Variants in IL17RD observed in about 807,000 individuals in gnomAD.
The protein encoded by IL17RD is interleukin-17 receptor D.
Under a neutral mutation model 80.5 loss-of-function variants are expected in IL17RD, and 52 were observed. The observed-to-expected ratio is 0.65, with a 90% CI of 0.52 to 0.81. IL17RD has a LOEUF of 0.81. Ranked by LOEUF, IL17RD falls within the 40% of genes least tolerant of loss-of-function variation. IL17RD has a pLI of 0.00. For missense variants in IL17RD, 1,024 were observed against 955.1 expected (o/e 1.07, Z -0.95); for synonymous variants, 416 against 391.8 (o/e 1.06, Z -0.73).
In IL17RD at chr3:57,114,150, C is replaced by T. The variant is rs187905448; in HGVS notation, c.310+542G>A. Among the ~76,000 whole-genome samples, 109 of 151,042 alleles carry T rather than the reference C, an allele frequency of 7.2e-4. 2 individuals are homozygous for T. The South Asian group carries it at 0.022, about 30-fold the overall frequency. On this transcript the variant is annotated intron_variant, in intron 3 of 12. Coordinates refer to ENST00000296318, the MANE Select transcript of IL17RD (RefSeq NM_017563.5). ...AGTGAGCCGAGATCGCACCATTGCACTCCAGCCTGGGTGAAAGAGCGAAAC... is the reference window on the plus strand; with the variant it reads ...AGTGAGCCGAGATCGCACCATTGCATTCCAGCCTGGGTGAAAGAGCGAAAC...
intron 2 of IL17RD, among the ~76,000 whole-genome samples, chr3:57,115,153 A>G (rs778480671): frequency 7.9e-5 from 12 of 152,224 alleles, no homozygotes; most frequent in Non-Finnish European, 1.5e-4. Flanking sequence ...ATTTACATCA[A>G]TTCAACCAAT....
At chr3:57,121,186 A>G (rs1559474459) in intron 1 of IL17RD, among the ~76,000 whole-genome samples, 1 of 152,246 alleles carries the variant, frequency 6.6e-6, no homozygotes, top group Non-Finnish European at 1.5e-5. Context: ...AATGATGGGA[A>G]AATATTCCAG....
At chr3:57,161,499 A>G (rs1218259546) in intron 1 of IL17RD, among the ~76,000 whole-genome samples, 1 of 152,254 alleles carries the variant, frequency 6.6e-6, no homozygotes, top group African/African-American at 2.4e-5. Context: ...AGATGATGCC[A>G]GCATCCTGGC....
At chr3:57,134,220 A>C in intron 1 of IL17RD, 1 of 690,704 alleles carries the variant, frequency 1.4e-6, no homozygotes, top group Non-Finnish European at 2.7e-6. Context: ...CCCCAATAAG[A>C]CCAATGAAAT....
At chr3:57,146,895 G>A (rs1707943247) in intron 1 of IL17RD, among the ~76,000 whole-genome samples, 2 of 123,218 alleles carry the variant, frequency 1.6e-5, no homozygotes, top group Admixed American at 8.2e-5. Flanking sequence ...TTGACTCACT[G>A]CAACCTATCT....
At chr3:57,097,549 G>A (rs1484364017) in intron 12 of IL17RD, 47 bp downstream of exon 12, 22 of 1,426,446 alleles carry the variant, frequency 1.5e-5, no homozygotes, top group Non-Finnish European at 2.1e-5. Context: ...TCAGAAGCAT[G>A]GTCAAAGGCT....
At chr3:57,164,491 G>A (rs2060331329) in intron 1 of IL17RD, among the ~76,000 whole-genome samples, 2 of 152,214 alleles carry the variant, frequency 1.3e-5, no homozygotes, top group Admixed American at 1.3e-4. Context: ...GCGGCCCTTT[G>A]GCGGAAAAAT....
At chr3:57,142,867 G>C (rs1259461753) in intron 1 of IL17RD, among the ~76,000 whole-genome samples, 2 of 152,128 alleles carry the variant, frequency 1.3e-5, no homozygotes, top group African/African-American at 2.4e-5. Context: ...GCTTTGCTGA[G>C]ATTTGAAGCT....
At chr3:57,166,728 C>T (rs548531389), upstream of IL17RD, among the ~76,000 whole-genome samples, 2 of 152,306 alleles carry the variant, frequency 1.3e-5, no homozygotes, top group Non-Finnish European at 2.9e-5. Flanking sequence ...CTGCACAGAA[C>T]TCCCCCCAGC....
intron 1 of IL17RD, among the ~76,000 whole-genome samples, chr3:57,146,025 ACACT>A (rs200052444): frequency 0.028 from 3,909 of 139,974 alleles, 72 homozygotes; most frequent in Admixed American, 0.048. Context: ...GCGCACACAC[ACACT>A]CACGCGCGCG....
At chr3:57,142,908 C>T (rs1341078127) in intron 1 of IL17RD, among the ~76,000 whole-genome samples, 1 of 152,112 alleles carries the variant, frequency 6.6e-6, no homozygotes, top group African/African-American at 2.4e-5. Context: ...TTCCCAGAGT[C>T]CTTTTTAACC....
At chr3:57,156,047 C>T (rs542896316) in intron 1 of IL17RD, among the ~76,000 whole-genome samples, 2 of 152,328 alleles carry the variant, frequency 1.3e-5, no homozygotes, top group East Asian at 3.9e-4. Context: ...GGAGAACCTA[C>T]TATGTGCCAG....
intron 2 of IL17RD, among the ~76,000 whole-genome samples, chr3:57,116,715 A>G (rs1228674682): frequency 6.6e-6 from 1 of 152,174 alleles, no homozygotes; most frequent in Non-Finnish European, 1.5e-5. Context: ...GAATAGGAAA[A>G]AATTTATAAC....
At chr3:57,116,413 A>G (rs533049864) in intron 2 of IL17RD, among the ~76,000 whole-genome samples, 1 of 150,536 alleles carries the variant, frequency 6.6e-6, no homozygotes, top group African/African-American at 2.4e-5. Flanking sequence ...CCTCCCGAGT[A>G]GCTGGGATTA....
chr3:57,163,817 G>A (rs1417200594), intron 1 of IL17RD, among the ~76,000 whole-genome samples: 1 of 132,308 alleles, frequency 7.6e-6, no homozygotes, highest in Non-Finnish European at 1.6e-5. Flanking sequence ...GGTGGCGGGG[G>A]CGGAGGCAGA....
chr3:57,165,293 G>C lies in IL17RD; in HGVS notation c.-7C>G. 1.4e-6 allele frequency: 2 copies of C among 1,454,342 alleles called. No individual in the cohort carries two copies. The highest frequency in any genetic ancestry group is 1.8e-6 in the Non-Finnish European group (2 of 1,100,104). The allele number at this position is 1,454,342 out of a possible 1,614,324, so 90.1% of individuals were successfully genotyped here. On this transcript the variant is annotated 5_prime_UTR_variant, in exon 1 of 13. Coordinates refer to ENST00000296318, the MANE Select transcript of IL17RD (RefSeq NM_017563.5). The stretch of plus-strand genomic sequence containing the variant: ...GCTGCAGCCACGGGGCCATGGCCGT[G>C]CGCTCGCCCAGCCAGGCCGTTCTCT...
intron 1 of IL17RD, among the ~76,000 whole-genome samples, chr3:57,159,174 A>G (rs2060287313): frequency 6.6e-6 from 1 of 151,662 alleles, no homozygotes; most frequent in African/African-American, 2.4e-5. Flanking sequence ...CAGGACTTCA[A>G]GTGTGAATTC....
rs1446272644 is a variant in IL17RD, at chr3:57,110,669, T to C, written c.311-358A>G. ...TCTAGGTCATTACACAGAATACATT[T>C]GGCTGATGATAATTTCCAGTGTTGA... On this transcript the variant is annotated intron_variant, in intron 3 of 12. Coordinates refer to ENST00000296318, the MANE Select transcript of IL17RD (RefSeq NM_017563.5). Among the ~76,000 whole-genome samples, 7 of 152,264 alleles carry C rather than the reference T, an allele frequency of 4.6e-5. No individual in the cohort carries two copies. In the East Asian group the frequency reaches 1.3e-3, roughly 29 times the overall value.
chr3:57,163,065 G>C (rs1440329952), intron 1 of IL17RD, among the ~76,000 whole-genome samples: 3 of 152,158 alleles, frequency 2.0e-5, no homozygotes. Flanking sequence ...GAAGGGTAGG[G>C]GGTGAGGCTG....
Sources: allele counts gnomAD v4.1 joint callset (sites outside exome capture counted in the v4.1 genomes callset), GRCh38; gene constraint gnomAD v4.1.1; transcripts MANE v1.5; gene names NCBI Gene and HGNC (gene_info 2026-07-23, HGNC 2026-07-21).